Variants in ANO1 observed in about 807,000 individuals in gnomAD.
ANO1 encodes the protein anoctamin-1.
A neutral mutation model predicts 124.0 loss-of-function variants in ANO1; 59 were observed. That is an observed-to-expected ratio of 0.48 (90% CI 0.39 to 0.59). The LOEUF is 0.59. ANO1 is among the 20% of genes least tolerant of loss of function. The pLI is 0.00. For missense variants in ANO1, 1,059 were observed against 1,328.0 expected, an observed-to-expected ratio of 0.80 and a Z score of 3.15; for synonymous variants, 529 against 532.0, an observed-to-expected ratio of 0.99 and a Z score of 0.08.
At chr11:70,000,200 CT>C (rs1397631327) in intron 1 of ANO1, among the ~76,000 whole-genome samples, 4 of 152,040 alleles carry the variant, frequency 2.6e-5, no homozygotes, top group Non-Finnish European at 5.9e-5. Flanking sequence ...GAGAGGTTTT[CT>C]TTTTGCCTGT....
intron 1 of ANO1, among the ~76,000 whole-genome samples, chr11:70,031,661 C>A (rs574260072): frequency 6.6e-6 from 1 of 152,260 alleles, no homozygotes; most frequent in South Asian, 2.1e-4. Flanking sequence ...GATGAGGGTA[C>A]AGAGATGAGC....
chr11:69,980,919 G>A (rs1423733832), upstream of ANO1, among the ~76,000 whole-genome samples: 1 of 152,046 alleles, frequency 6.6e-6, no homozygotes, highest in Non-Finnish European at 1.5e-5. Context: ...GGGTGTGGTG[G>A]CACATGCCTG....
intron 1 of ANO1, among the ~76,000 whole-genome samples, chr11:70,052,531 C>CTTTTTTTTTTTTTTTTTTTTTTTTT (rs200770702): frequency 3.0e-5 from 2 of 65,930 alleles, no homozygotes; most frequent in South Asian, 3.8e-4. Flanking sequence ...TTTTTCTTTT[C>CTTTTTTTTTTTTTTTTTTTTTTTTT]TTTTTTTTTT....
chr11:70,121,114 G>T (rs531892671), intron 8 of ANO1, among the ~76,000 whole-genome samples: 35 of 152,186 alleles, frequency 2.3e-4, no homozygotes, highest in African/African-American at 8.2e-4. Flanking sequence ...CACTGAGGGT[G>T]GGTCCCTCCT....
At chr11:70,152,396 A>G in intron 12 of ANO1, 54 bp from the exon 13 acceptor site, 2 of 1,572,508 alleles carry the variant, frequency 1.3e-6, no homozygotes, top group Non-Finnish European at 1.7e-6. Context: ...TAAAATAACA[A>G]CCTAAGTAAT....
In ANO1 at chr11:70,079,288, T is replaced by C. The variant is rs189978622; in HGVS notation, c.108+574T>C. On this transcript the variant is annotated intron_variant, in intron 1 of 25. Transcript: ENST00000355303. ...GGGCACTGGGCCTGGTACCCTGGCATTGGCACCGAAACTCTCAAAGCCCAG... is the reference window on the plus strand; with the variant it reads ...GGGCACTGGGCCTGGTACCCTGGCACTGGCACCGAAACTCTCAAAGCCCAG... Among the ~76,000 whole-genome samples, 246 of 152,164 alleles carry C rather than the reference T, an allele frequency of 1.6e-3. 2 individuals carry two copies. The highest frequency in any genetic ancestry group is 5.6e-3 in the African/African-American group (234 of 41,538).
At position 70,019,244 on chromosome 11, in the gene ANO1, CACACA is replaced by C. The variant is rs374943208; in HGVS notation, c.58+33079_58+33083del. The stretch of plus-strand genomic sequence containing the variant: ...CAGGGGAGGGAAAGAAGAACCCCCC[CACACA>C]CACACACACACACATTCACTCCCCC... On this transcript the variant is annotated intron_variant, in intron 1 of 27. Transcript: ENST00000531349. Among the ~76,000 whole-genome samples the C allele has an allele frequency of 4.0e-4, 53 of 131,720 alleles. 1 individual carries two copies. The highest frequency in any genetic ancestry group is 1.2e-3 in the East Asian group (5 of 4,106). The allele number at this position is 131,720 out of a possible 152,430, so 86.4% of individuals were successfully genotyped here. A position where few individuals can be genotyped will look rare whatever the true frequency, so the allele number is the denominator to read the frequency against.
chr11:70,046,919 C>CA (rs1394935339), intron 1 of ANO1, among the ~76,000 whole-genome samples: 9 of 151,474 alleles, frequency 5.9e-5, no homozygotes, highest in Admixed American at 2.0e-4. Context: ...ACTAAAAATA[C>CA]AAAAAATAAG....
intron 7 of ANO1, among the ~76,000 whole-genome samples, chr11:70,112,702 C>T (rs1000961796): frequency 3.9e-5 from 6 of 152,044 alleles, no homozygotes; most frequent in Non-Finnish European, 5.9e-5. Context: ...GGACTTCAGG[C>T]GTGCACCGCT....
intron 16 of ANO1, among the ~76,000 whole-genome samples, chr11:70,159,443 A>G (rs1057244880): frequency 6.6e-6 from 1 of 152,226 alleles, no homozygotes; most frequent in Non-Finnish European, 1.5e-5. Flanking sequence ...ATAGGGAAGT[A>G]GCCGGCTCTT....
chr11:70,181,252 C>T (rs1022852513), intron 23 of ANO1, among the ~76,000 whole-genome samples: 3 of 152,208 alleles, frequency 2.0e-5, no homozygotes, highest in East Asian at 1.9e-4. Context: ...CCAAAGCTGA[C>T]GGTCGACGCC....
At chr11:70,069,061 C>G (rs1175804786) in intron 1 of ANO1, among the ~76,000 whole-genome samples, 1 of 152,248 alleles carries the variant, frequency 6.6e-6, no homozygotes, top group Non-Finnish European at 1.5e-5. Context: ...CAGGGTCCCC[C>G]TGCCTTGTGA....
At chr11:69,999,513 CCAAA>C (rs1856339715) in intron 1 of ANO1, among the ~76,000 whole-genome samples, 1 of 152,084 alleles carries the variant, frequency 6.6e-6, no homozygotes, top group Non-Finnish European at 1.5e-5. Context: ...TAAGAAACTC[CCAAA>C]CAATTTGCCA....
chr11:70,156,815 G>A, intron 15 of ANO1, 132 bp from the exon 16 acceptor site: 1 of 768,076 alleles, frequency 1.3e-6, no homozygotes, highest in South Asian at 1.8e-5. Flanking sequence ...CATTTTTGAG[G>A]TTTTTCTGAG....
At chr11:70,006,090 G>A (rs1051321514) in intron 1 of ANO1, among the ~76,000 whole-genome samples, 2 of 152,124 alleles carry the variant, frequency 1.3e-5, no homozygotes, top group African/African-American at 4.8e-5. Context: ...TCTTACCTAC[G>A]TGGAGACACG....
At chr11:70,001,478 T>C (rs1856380453) in intron 1 of ANO1, among the ~76,000 whole-genome samples, 1 of 152,140 alleles carries the variant, frequency 6.6e-6, no homozygotes, top group African/African-American at 2.4e-5. Flanking sequence ...CTTCCCACCA[T>C]GCTGCCCTCT....
intron 25 of ANO1, among the ~76,000 whole-genome samples, chr11:70,186,115 G>C (rs965200984): frequency 1.9e-4 from 29 of 152,024 alleles, no homozygotes; most frequent in Admixed American, 1.3e-3. Context: ...GTGAAACCCT[G>C]TCTCTACTAA....
chr11:70,054,578 T>A (rs1857404770), intron 1 of ANO1, among the ~76,000 whole-genome samples: 1 of 152,252 alleles, frequency 6.6e-6, no homozygotes, highest in Non-Finnish European at 1.5e-5. Context: ...AAATATGTCA[T>A]TCAATTGTTT....
chr11:70,168,553 G>A (rs532893520), intron 21 of ANO1, among the ~76,000 whole-genome samples: 2 of 152,226 alleles, frequency 1.3e-5, no homozygotes, highest in Admixed American at 1.3e-4. Context: ...CCCTAGAGCA[G>A]GTCCAGGTAT....
Sources: gnomAD v4.1 joint callset for allele counts (sites outside exome capture counted in the v4.1 genomes callset) on GRCh38, gnomAD v4.1.1 for gene constraint, MANE v1.5 for transcripts, NCBI Gene and HGNC (gene_info 2026-07-23, HGNC 2026-07-21) for gene names.